Variants in GABRB2 observed in about 807,000 individuals in gnomAD.
GABRB2 encodes the protein gamma-aminobutyric acid receptor subunit beta-2.
GABRB2 carries 16 observed loss-of-function variants against 54.7 expected under a neutral mutation model. The observed-to-expected ratio is 0.29, with a 90% CI of 0.20 to 0.44. The LOEUF (loss-of-function observed/expected upper bound fraction) is 0.44, where lower values mean the gene tolerates loss of function less well. Among genes scored for constraint, GABRB2 ranks in the 20% least tolerant of loss-of-function variants. GABRB2 has a pLI of 1.00. For missense variants in GABRB2, 355 were observed against 644.0 expected, an observed-to-expected ratio of 0.55 and a Z score of 4.86; for synonymous variants, 244 against 233.8, an observed-to-expected ratio of 1.04 and a Z score of -0.40.
At chr5:161,369,360 T>C (rs540667457) in intron 5 of GABRB2, among the ~76,000 whole-genome samples, 2 of 152,344 alleles carry the variant, frequency 1.3e-5, no homozygotes, top group Admixed American at 6.5e-5. Context: ...TTTTTGACTC[T>C]GTAGATAAGA....
intron 3 of GABRB2, among the ~76,000 whole-genome samples, chr5:161,527,587 A>C (rs1760322541): frequency 1.3e-5 from 2 of 151,568 alleles, no homozygotes; most frequent in Non-Finnish European, 3.0e-5. Context: ...ATATAGGCTC[A>C]ATAGCCTTAA....
chr5:161,296,047 A>G (rs1464879769), intron 9 of GABRB2, among the ~76,000 whole-genome samples: 39 of 152,240 alleles, frequency 2.6e-4, no homozygotes, highest in Admixed American at 2.6e-3. Context: ...GAATGCTCAC[A>G]ACATTCCTTG....
Position 161,418,727 on chromosome 5 carries a change from TG to T in GABRB2, c.459-7671del, listed in dbSNP as rs1756756298. 3.3e-5 allele frequency among the ~76,000 whole-genome samples: 5 copies of T among 152,266 alleles called. No homozygotes were observed. The South Asian group carries it at 6.2e-4, about 19-fold the overall frequency. ...AACCTATAGAATGGGAGAAAATGTT[TG>T]CAAACTAGGCATCTGACAACGACTA... On this transcript the variant is annotated intron_variant, in intron 4 of 9. Transcript: ENST00000393959.
rs1398567405 is a variant in GABRB2 at position 161,291,300 on chromosome 5, T to A, written c.*2781A>T. ...ATACATATGTATAAACTGATAGTAATCCCATATCAGAACTACTAAACACAC... is the reference window on the plus strand; with the variant it reads ...ATACATATGTATAAACTGATAGTAAACCCATATCAGAACTACTAAACACAC... On this transcript the variant is annotated 3_prime_UTR_variant, in exon 10 of 10. Transcript: ENST00000393959. 6.6e-6 allele frequency: 1 copy of A among 152,196 alleles called. No homozygotes were observed. Among genetic ancestry groups the A allele is most frequent in the African/African-American group, 2.4e-5 (1 of 41,440 alleles). 9.4% of individuals were successfully genotyped at this position (152,196 alleles called of 1,614,324 possible).
intron 5 of GABRB2, among the ~76,000 whole-genome samples, chr5:161,388,084 C>T (rs958531360): frequency 6.6e-6 from 1 of 152,064 alleles, no homozygotes; most frequent in Non-Finnish European, 1.5e-5. Context: ...GCTCTTAGTT[C>T]ACTTGAAGTA....
intron 5 of GABRB2, among the ~76,000 whole-genome samples, chr5:161,338,440 C>A (rs1442307522): frequency 6.6e-6 from 1 of 152,076 alleles, no homozygotes; most frequent in Non-Finnish European, 1.5e-5. Context: ...TATGATCTAA[C>A]GTAGAGCCAT....
chr5:161,416,110 T>C (rs539512715), intron 4 of GABRB2, among the ~76,000 whole-genome samples: 1 of 152,186 alleles, frequency 6.6e-6, no homozygotes, highest in African/African-American at 2.4e-5. Context: ...GGCTAACTTT[T>C]TAAATTTTTT....
chr5:161,289,086 TG>T lies in GABRB2; in HGVS notation c.*4994del, dbSNP rs1757163044. 2 of 152,196 alleles carry T rather than the reference TG, an allele frequency of 1.3e-5. No individual in the cohort carries two copies. Among genetic ancestry groups the T allele is most frequent in the Admixed American group, 1.3e-4 (2 of 15,262 alleles). The allele number at this position is 152,196 out of a possible 1,614,324, so 9.4% of individuals were successfully genotyped here. Reference sequence around the variant, plus strand: ...TGGGAACTCAAAGGACATACAGTTTTGTTTTTCATCATTTGAATCATATTGA... The same window carrying T: ...TGGGAACTCAAAGGACATACAGTTTTTTTTTCATCATTTGAATCATATTGA... On this transcript the variant is annotated 3_prime_UTR_variant, in exon 10 of 10. Coordinates refer to ENST00000393959, the MANE Select transcript of GABRB2 (RefSeq NM_001371727.1).
chr5:161,326,435 A>G lies in GABRB2; in HGVS notation c.1124T>C (p.Leu375Ser). Reference sequence around the variant, plus strand: ...GGAGAGGTTTCCAGTAGGGTCCCACAAGGATCGATATTGGGTCCCATTTTG... The same window carrying G: ...GGAGAGGTTTCCAGTAGGGTCCCACGAGGATCGATATTGGGTCCCATTTTG... ...IKQNGTQYRS[L>S]WDPTGNLSPT... Residue 375 changes from leucine (L) to serine (S), a missense_variant, in exon 9 of 10, where the codon TTG (leucine) becomes TCG (serine). By Grantham distance (145) the Leu-to-Ser change is moderately radical. Around this residue, in one of 6 missense-constraint regions of GABRB2, gnomAD observed 201 missense variants for 228.1 expected, o/e 0.88. Transcript: ENST00000393959. 1 of 1,613,726 alleles carries G rather than the reference A, an allele frequency of 6.2e-7. No individual in the cohort carries two copies. The highest frequency in any genetic ancestry group is 2.2e-5 in the East Asian group (1 of 44,856).
intron 5 of GABRB2, among the ~76,000 whole-genome samples, chr5:161,406,598 T>G (rs918528): frequency 0.66 from 100,470 of 151,726 alleles, 34,235 homozygotes; most frequent in South Asian, 0.76. Context: ...TGTTAGATTC[T>G]TTGTCTAACA....
intron 5 of GABRB2, among the ~76,000 whole-genome samples, chr5:161,352,221 G>A (rs1041416805): frequency 6.6e-5 from 10 of 151,940 alleles, no homozygotes; most frequent in African/African-American, 1.4e-4. Context: ...CAAAGGAATT[G>A]AAATTAGTAT....
At chr5:161,460,007 C>T (rs1197227956) in intron 3 of GABRB2, among the ~76,000 whole-genome samples, 163 bp from the exon 4 acceptor site, 2 of 152,150 alleles carry the variant, frequency 1.3e-5, no homozygotes, top group Non-Finnish European at 2.9e-5. Flanking sequence ...TGCACTGGCA[C>T]GATCTCGGCT....
At chr5:161,386,117 C>G (rs1054444790) in intron 5 of GABRB2, among the ~76,000 whole-genome samples, 3 of 151,954 alleles carry the variant, frequency 2.0e-5, no homozygotes, top group Non-Finnish European at 4.4e-5. Flanking sequence ...TGCAATGGAC[C>G]CAGTCATCAT....
intron 3 of GABRB2, among the ~76,000 whole-genome samples, chr5:161,533,125 G>A (rs189038693): frequency 6.6e-6 from 1 of 152,210 alleles, no homozygotes; most frequent in East Asian, 1.9e-4. Context: ...ATGCCAAAGT[G>A]TATAGCAAGA....
intron 5 of GABRB2, among the ~76,000 whole-genome samples, chr5:161,378,885 G>A (rs1268143335): frequency 6.6e-6 from 1 of 152,156 alleles, no homozygotes; most frequent in African/African-American, 2.4e-5. Context: ...CCTCATGGAA[G>A]GCAACATATG....
intron 5 of GABRB2, among the ~76,000 whole-genome samples, chr5:161,341,342 C>A (rs972894527): frequency 1.3e-5 from 2 of 151,750 alleles, no homozygotes; most frequent in African/African-American, 4.8e-5. Flanking sequence ...GAAGGAAATG[C>A]ACTGAAGCAC....
intron 4 of GABRB2, among the ~76,000 whole-genome samples, chr5:161,421,783 G>T (rs1226875107): frequency 1.3e-5 from 2 of 152,172 alleles, no homozygotes; most frequent in Non-Finnish European, 2.9e-5. Flanking sequence ...CCAATGGTCA[G>T]GGAGGAAAGC....
intron 3 of GABRB2, among the ~76,000 whole-genome samples, chr5:161,522,039 G>T (rs189332349): frequency 1.4e-3 from 213 of 151,954 alleles, no homozygotes; most frequent in African/African-American, 4.1e-3. Context: ...AAGTCAAATA[G>T]AAGTTATAAA....
chr5:161,439,951 T>A (rs1757417854), intron 4 of GABRB2, among the ~76,000 whole-genome samples: 1 of 150,468 alleles, frequency 6.6e-6, no homozygotes, highest in Non-Finnish European at 1.5e-5. Context: ...AACCTGCACA[T>A]CTAGCACATG....
Sources: allele counts gnomAD v4.1 joint callset (sites outside exome capture counted in the v4.1 genomes callset), GRCh38; gene constraint gnomAD v4.1.1; regional missense constraint gnomAD v4.1.1; transcripts MANE v1.5; gene names NCBI Gene and HGNC (gene_info 2026-07-23, HGNC 2026-07-21).